SLC35D2: variants seen among roughly 807,000 people sequenced by gnomAD.
SLC35D2 encodes solute carrier family 35 member D2.
SLC35D2 carries 43 observed loss-of-function variants against 41.8 expected under a neutral mutation model. The ratio of observed to expected loss-of-function variants is 1.03; its 90% CI spans 0.81 to 1.33. SLC35D2 has a LOEUF of 1.33. Ranked by LOEUF, SLC35D2 falls within the 40% of genes most tolerant of loss-of-function variation. The probability of loss-of-function intolerance (pLI) is 0.00; values close to 1 mark genes in which losing one functional copy is unlikely to be tolerated. For missense variants in SLC35D2, 380 were observed against 408.4 expected (o/e 0.93, Z 0.60); for synonymous variants, 150 against 163.9 (o/e 0.92, Z 0.65).
intron 8 of SLC35D2, among the ~76,000 whole-genome samples, chr9:96,336,993 T>C (rs553744199): frequency 2.6e-4 from 39 of 152,304 alleles, no homozygotes; most frequent in African/African-American, 8.9e-4. Context: ...ATCTAGCTTA[T>C]TTAAAAAAAG....
At chr9:96,338,128 G>GA (rs1334659920) in intron 8 of SLC35D2, among the ~76,000 whole-genome samples, 1 of 151,884 alleles carries the variant, frequency 6.6e-6, no homozygotes, top group Non-Finnish European at 1.5e-5. Flanking sequence ...ATCCAAAAAC[G>GA]ATCTGAAAGT....
intron 9 of SLC35D2, among the ~76,000 whole-genome samples, chr9:96,331,835 T>C (rs1175120651): frequency 1.3e-5 from 2 of 152,178 alleles, no homozygotes; most frequent in Non-Finnish European, 2.9e-5. Flanking sequence ...TAGGTTCTCA[T>C]AGAAGCGCAA....
chr9:96,345,547 T>C, intron 6 of SLC35D2, 146 bp from the exon 7 acceptor site: 1 of 631,366 alleles, frequency 1.6e-6, no homozygotes, highest in African/African-American at 1.9e-5. Context: ...TTAATTCCTC[T>C]GCTTTGCCTC....
At chr9:96,349,523 T>C (rs940919501) in intron 6 of SLC35D2, among the ~76,000 whole-genome samples, 23 of 150,986 alleles carry the variant, frequency 1.5e-4, no homozygotes, top group African/African-American at 5.4e-4. Context: ...TCTGCTCTTT[T>C]GTCAGTTCCT....
chr9:96,339,985 CAA>C (rs1393484197), intron 8 of SLC35D2, among the ~76,000 whole-genome samples: 2 of 152,218 alleles, frequency 1.3e-5, no homozygotes, highest in Non-Finnish European at 2.9e-5. Flanking sequence ...TTTCCATTAA[CAA>C]GAGAAGTTAA....
chr9:96,351,961 G>A, intron 5 of SLC35D2, 77 bp downstream of exon 5: 1 of 877,760 alleles, frequency 1.1e-6, no homozygotes, highest in Non-Finnish European at 1.9e-6. Context: ...ACTAGCAATG[G>A]CTACTAGAAT....
intron 1 of SLC35D2, among the ~76,000 whole-genome samples, chr9:96,378,427 C>CA (rs752169153): frequency 2.0e-5 from 3 of 151,522 alleles, no homozygotes; most frequent in Non-Finnish European, 2.9e-5. Flanking sequence ...GACCCTGTCT[C>CA]AAAAAACAAA....
rs554622147 is a variant in SLC35D2, at chr9:96,340,545, A to G, written c.684+3359T>C. The stretch of plus-strand genomic sequence containing the variant: ...TGAGGCAGGAGAATCGCTTGAACCC[A>G]GGAGGCGGAGGTTGCAGTGAGTCGA... On this transcript the variant is annotated intron_variant, in intron 8 of 11. Transcript: ENST00000253270. Among the ~76,000 whole-genome samples, 367 of 136,040 alleles carry G rather than the reference A, an allele frequency of 2.7e-3. 1 individual carries two copies. The highest frequency in any genetic ancestry group is 9.1e-3 in the African/African-American group (335 of 36,866). The allele number at this position is 136,040 out of a possible 152,430, so 89.2% of individuals were successfully genotyped here.
intron 1 of SLC35D2, chr9:96,374,156 C>A (rs1381766856): frequency 6.6e-6 from 1 of 152,170 alleles, no homozygotes; most frequent in Admixed American, 6.5e-5. Flanking sequence ...AAATCAAAGG[C>A]CCCATTTCCA....
intron 1 of SLC35D2, among the ~76,000 whole-genome samples, chr9:96,370,089 T>C (rs1830618227): frequency 6.6e-6 from 1 of 152,134 alleles, no homozygotes; most frequent in African/African-American, 2.4e-5. Flanking sequence ...GTCCACTCCC[T>C]GAGCATGGCC....
intron 4 of SLC35D2, among the ~76,000 whole-genome samples, chr9:96,359,584 GGAGGCT>G (rs1830178526): frequency 6.6e-6 from 1 of 151,952 alleles, no homozygotes; most frequent in Non-Finnish European, 1.5e-5. Flanking sequence ...CAGCTACTTG[GGAGGCT>G]GAGGCAGGAG....
intron 8 of SLC35D2, among the ~76,000 whole-genome samples, chr9:96,342,946 G>C (rs1281722493): frequency 6.6e-6 from 1 of 152,198 alleles, no homozygotes; most frequent in Non-Finnish European, 1.5e-5. Flanking sequence ...TGGGTAAATG[G>C]GTGCTGCCCC....
At chr9:96,378,174 C>G (rs1460753542) in intron 1 of SLC35D2, among the ~76,000 whole-genome samples, 2 of 151,912 alleles carry the variant, frequency 1.3e-5, no homozygotes, top group Non-Finnish European at 2.9e-5. Context: ...TGGCTCATGC[C>G]TGTAATCCCA....
At chr9:96,375,041 G>C (rs1388895550) in intron 1 of SLC35D2, among the ~76,000 whole-genome samples, 2 of 147,406 alleles carry the variant, frequency 1.4e-5, no homozygotes, top group African/African-American at 5.0e-5. Context: ...GCCCAGGCTG[G>C]AGTGCAGTGG....
intron 6 of SLC35D2, among the ~76,000 whole-genome samples, chr9:96,348,859 G>A (rs981905965): frequency 2.0e-5 from 3 of 152,158 alleles, no homozygotes; most frequent in South Asian, 2.1e-4. Context: ...TTCTGGAAAC[G>A]CACCTGCATA....
At chr9:96,368,677 T>TAC (rs1156900337) in intron 1 of SLC35D2, among the ~76,000 whole-genome samples, 3 of 149,992 alleles carry the variant, frequency 2.0e-5, no homozygotes, top group Non-Finnish European at 3.0e-5. Context: ...AAACATTATA[T>TAC]ACACACACAC....
chr9:96,373,699 AAAAC>A lies in SLC35D2; in HGVS notation c.159-5398_159-5395del, dbSNP rs1262920201. ...CAAGACTCTCTCAAAAAAAAAAAAA[AAAAC>A]AATTTGAGCTTCTCTTTTGTTCTCC... On this transcript the variant is annotated intron_variant, in intron 1 of 11. Coordinates refer to ENST00000253270, the MANE Select transcript of SLC35D2 (RefSeq NM_007001.3). 1.1e-3 allele frequency among the ~76,000 whole-genome samples: 167 copies of A among 152,136 alleles called. 1 individual carries two copies. The highest frequency in any genetic ancestry group is 1.5e-3 in the Non-Finnish European group (99 of 67,990).
chr9:96,347,891 G>A (rs547674064), intron 6 of SLC35D2, among the ~76,000 whole-genome samples: 2 of 152,290 alleles, frequency 1.3e-5, no homozygotes, highest in East Asian at 1.9e-4. Context: ...CGCCAGCGCC[G>A]TGACAGTTTA....
chr9:96,332,902 ATTT>A (rs201907613), intron 9 of SLC35D2, among the ~76,000 whole-genome samples: 1 of 142,816 alleles, frequency 7.0e-6, no homozygotes, highest in African/African-American at 2.6e-5. Context: ...ACCTTTGCGA[ATTT>A]TTTTTTTTTT....
Sources: allele counts gnomAD v4.1 joint callset (sites outside exome capture counted in the v4.1 genomes callset), GRCh38; gene constraint gnomAD v4.1.1; transcripts MANE v1.5; gene names NCBI Gene and HGNC (gene_info 2026-07-23, HGNC 2026-07-21).